Variants in OPCML observed in about 807,000 individuals in gnomAD.
OPCML encodes the protein opioid-binding protein/cell adhesion molecule.
OPCML carries 13 observed loss-of-function variants against 37.8 expected under a neutral mutation model. That is an observed-to-expected ratio of 0.34 (90% CI 0.22 to 0.55). The LOEUF (loss-of-function observed/expected upper bound fraction) is 0.55, where lower values mean the gene tolerates loss of function less well. Ranked by LOEUF, OPCML falls within the 20% of genes least tolerant of loss-of-function variation. OPCML has a pLI of 0.91. For missense variants in OPCML, 341 were observed against 435.6 expected, an observed-to-expected ratio of 0.78 and a Z score of 1.93; for synonymous variants, 176 against 168.8, an observed-to-expected ratio of 1.04 and a Z score of -0.33.
intron 1 of OPCML, among the ~76,000 whole-genome samples, chr11:133,011,669 C>T (rs562020197): frequency 1.3e-5 from 2 of 150,184 alleles, no homozygotes; most frequent in South Asian, 4.3e-4. Flanking sequence ...AGTCAATTAT[C>T]TTTACAGTCC....
At chr11:133,048,224 A>G (rs1369376384) in intron 1 of OPCML, among the ~76,000 whole-genome samples, 1 of 152,184 alleles carries the variant, frequency 6.6e-6, no homozygotes, top group African/African-American at 2.4e-5. Flanking sequence ...TAATTTTTAC[A>G]ACAATCCCAT....
At chr11:132,669,871 A>G (rs1028412617) in intron 2 of OPCML, among the ~76,000 whole-genome samples, 3 of 152,192 alleles carry the variant, frequency 2.0e-5, no homozygotes, top group African/African-American at 7.2e-5. Context: ...CAATGAAGGT[A>G]TAGCTCTCAC....
chr11:132,778,385 A>G (rs759927182), intron 2 of OPCML, among the ~76,000 whole-genome samples: 1 of 152,220 alleles, frequency 6.6e-6, no homozygotes, highest in Non-Finnish European at 1.5e-5. Context: ...CATCATCTAC[A>G]TGGCAGTTGG....
intron 1 of OPCML, chr11:133,297,954 G>A (rs1384939648): frequency 6.6e-6 from 1 of 152,054 alleles, no homozygotes; most frequent in Non-Finnish European, 1.5e-5. Context: ...TATTACTACT[G>A]TTCCCTCCTC....
intron 1 of OPCML, among the ~76,000 whole-genome samples, chr11:133,124,403 T>C (rs950809744): frequency 3.3e-5 from 5 of 152,070 alleles, no homozygotes; most frequent in South Asian, 2.1e-4. Context: ...CCTAGACCCA[T>C]CTTTATGGCT....
intron 1 of OPCML, among the ~76,000 whole-genome samples, chr11:133,399,312 T>A (rs1020241833): frequency 9.9e-5 from 15 of 152,192 alleles, no homozygotes; most frequent in Admixed American, 4.6e-4. Context: ...GGCCTGGGTT[T>A]GAGCTCAGCA....
intron 1 of OPCML, among the ~76,000 whole-genome samples, chr11:133,018,605 G>A (rs1591916790): frequency 6.6e-6 from 1 of 152,126 alleles, no homozygotes; most frequent in African/African-American, 2.4e-5. Context: ...ATTGTGCTCC[G>A]CGCTGTATTT....
chr11:132,933,968 C>A (rs1945290817), intron 2 of OPCML, among the ~76,000 whole-genome samples: 1 of 152,008 alleles, frequency 6.6e-6, no homozygotes. Context: ...TTTTTTTCTC[C>A]ATCACAGGAG....
chr11:133,271,211 G>T (rs1158693142), intron 1 of OPCML, among the ~76,000 whole-genome samples: 1 of 152,116 alleles, frequency 6.6e-6, no homozygotes, highest in Non-Finnish European at 1.5e-5. Flanking sequence ...TTTTTATAGA[G>T]ATTAAAAAGG....
At chr11:132,431,970 G>A (rs2095998587) in intron 7 of OPCML, among the ~76,000 whole-genome samples, 1 of 152,186 alleles carries the variant, frequency 6.6e-6, no homozygotes, top group African/African-American at 2.4e-5. Context: ...AATTTGATGT[G>A]GGAGATGGGT....
At chr11:132,912,239 C>G (rs1241392096) in intron 2 of OPCML, among the ~76,000 whole-genome samples, 1 of 151,986 alleles carries the variant, frequency 6.6e-6, no homozygotes, top group Non-Finnish European at 1.5e-5. Flanking sequence ...TTTCATAAAG[C>G]TTGAAACTGT....
intron 1 of OPCML, among the ~76,000 whole-genome samples, chr11:132,998,166 C>A (rs918032241): frequency 3.9e-5 from 6 of 152,156 alleles, no homozygotes; most frequent in Non-Finnish European, 2.9e-5. Context: ...CCCAGTCTGT[C>A]ATTCTGTCAC....
intron 1 of OPCML, among the ~76,000 whole-genome samples, chr11:133,080,096 C>T (rs1171086652): frequency 1.3e-5 from 2 of 152,190 alleles, no homozygotes; most frequent in African/African-American, 4.8e-5. Context: ...AGGGTCCCCA[C>T]TCACCCTACC....
intron 2 of OPCML, among the ~76,000 whole-genome samples, chr11:132,695,248 G>A (rs1327463429): frequency 6.6e-6 from 1 of 152,144 alleles, no homozygotes; most frequent in Admixed American, 6.5e-5. Context: ...GTCCATTTTG[G>A]GAGTTGGAGT....
intron 2 of OPCML, among the ~76,000 whole-genome samples, chr11:132,856,305 A>C (rs1285829697): frequency 1.3e-5 from 2 of 152,150 alleles, no homozygotes; most frequent in African/African-American, 4.8e-5. Context: ...ATCAAATAAT[A>C]CCTTGGTAGG....
At chr11:133,182,348 C>T (rs1380724574) in intron 1 of OPCML, among the ~76,000 whole-genome samples, 1 of 152,148 alleles carries the variant, frequency 6.6e-6, no homozygotes, top group Non-Finnish European at 1.5e-5. Context: ...TTATAAAATG[C>T]AAAGAAGAGA....
At position 133,028,977 on chromosome 11, in the gene OPCML, C is replaced by T. The variant is rs992539842; in HGVS notation, c.62-85967G>A. On this transcript the variant is annotated intron_variant, in intron 1 of 7. Coordinates refer to ENST00000524381, the MANE Select transcript of OPCML (RefSeq NM_001012393.5). ...TGCAAACTATGCACCTGACAAAGAA[C>T]TAATATCCAGAATCTACAAGGAGTT... Among the ~76,000 whole-genome samples, 25 of 149,674 alleles carry T rather than the reference C, an allele frequency of 1.7e-4. No homozygotes were observed. The East Asian group carries it at 2.3e-3, about 14-fold the overall frequency.
At chr11:132,477,373 A>G (rs1236765761) in intron 4 of OPCML, among the ~76,000 whole-genome samples, 5 of 152,318 alleles carry the variant, frequency 3.3e-5, no homozygotes, top group Non-Finnish European at 5.9e-5. Flanking sequence ...GTCTCCTTTC[A>G]TCTCAGACTG....
In OPCML at chr11:132,687,393, T is replaced by TAC. The variant is rs1565776193; in HGVS notation, c.147-30075_147-30074insGT. Among the ~76,000 whole-genome samples, 259 of 81,116 alleles carry TAC rather than the reference T, an allele frequency of 3.2e-3. 9 individuals are homozygous for TAC. Among genetic ancestry groups the TAC allele is most frequent in the African/African-American group, 0.019 (235 of 12,602 alleles). 53.2% of individuals were successfully genotyped at this position (81,116 alleles called of 152,430 possible). A position where few individuals can be genotyped will look rare whatever the true frequency, so the allele number is the denominator to read the frequency against. ...ACATATATATATATATATATATATATATATATATATATATATATATATATA... is the reference window on the plus strand; with the variant it reads ...ACATATATATATATATATATATATATACATATATATATATATATATATATATA... On this transcript the variant is annotated intron_variant, in intron 2 of 7. Coordinates refer to ENST00000524381, the MANE Select transcript of OPCML (RefSeq NM_001012393.5).
Sources: allele counts gnomAD v4.1 joint callset (sites outside exome capture counted in the v4.1 genomes callset), GRCh38; gene constraint gnomAD v4.1.1; transcripts MANE v1.5; gene names NCBI Gene and HGNC (gene_info 2026-07-23, HGNC 2026-07-21).